Variants in PLEKHG4B observed in about 807,000 individuals in gnomAD.
The protein encoded by PLEKHG4B is pleckstrin homology domain-containing family G member 4B.
PLEKHG4B carries 111 observed loss-of-function variants against 121.3 expected under a neutral mutation model. The observed-to-expected ratio is 0.92, with a 90% confidence interval of 0.78 to 1.07. The LOEUF (loss-of-function observed/expected upper bound fraction) is 1.07, where lower values mean the gene tolerates loss of function less well. Among genes scored for constraint, PLEKHG4B ranks in the 50% least tolerant of loss-of-function variants. The pLI, the probability that PLEKHG4B is intolerant of heterozygous loss-of-function variation, is 0.00. For missense variants in PLEKHG4B, 1,831 were observed against 1,757.8 expected (o/e 1.04, Z -0.74); for synonymous variants, 738 against 725.0 (o/e 1.02, Z -0.29).
chr5:182,459 T>C lies in PLEKHG4B; in HGVS notation c.*136T>C. ...TCCAGAGGGAATAGCACAGCAGGTG[T>C]CCAGGTATTTCCCAGGATTTTAGAC... On this transcript the variant is annotated 3_prime_UTR_variant, in exon 20 of 20. Coordinates refer to ENST00000637938, the MANE Select transcript of PLEKHG4B (RefSeq NM_052909.5). 3.8e-6 allele frequency: 3 copies of C among 783,872 alleles called. No homozygotes were observed. Among genetic ancestry groups the C allele is most frequent in the Non-Finnish European group, 5.9e-6 (3 of 507,936 alleles). 48.6% of individuals were successfully genotyped at this position (783,872 alleles called of 1,614,324 possible). A position where few individuals can be genotyped will look rare whatever the true frequency, so the allele number is the denominator to read the frequency against.
At chr5:180,535 A>G (rs1736899378) in intron 18 of PLEKHG4B, among the ~76,000 whole-genome samples, 1 of 152,192 alleles carries the variant, frequency 6.6e-6, no homozygotes, top group South Asian at 2.1e-4. Context: ...TGTGAACGCC[A>G]CATCTGCCCA....
At position 134,058 on chromosome 5, in the gene PLEKHG4B, AATATATATATATGATAGAATATAT is replaced by A. The variant is rs1351694560; in HGVS notation, c.244-5412_244-5389del. Among the ~76,000 whole-genome samples the A allele has an allele frequency of 4.5e-3, 558 of 124,710 alleles. 3 individuals carry two copies. Among genetic ancestry groups the A allele is most frequent in the Middle Eastern group, 8.0e-3 (2 of 250 alleles). 81.8% of individuals were successfully genotyped at this position (124,710 alleles called of 152,430 possible). A position where few individuals can be genotyped will look rare whatever the true frequency, so the allele number is the denominator to read the frequency against. On this transcript the variant is annotated intron_variant, in intron 2 of 19. Transcript: ENST00000637938. Reference sequence around the variant, plus strand: ...TATAGATAGAATATATATATGATAGAATATATATATATGATAGAATATATATATATATATATATATATATATATA... The same window carrying A: ...TATAGATAGAATATATATATGATAGAATATATATATATATATATATATATA...
In PLEKHG4B at chr5:140,270, C is replaced by T. The variant is rs763965751; in HGVS notation, c.1031C>T (p.Thr344Ile). 1.2e-5 allele frequency: 17 copies of T among 1,460,144 alleles called. No homozygotes were observed. In the South Asian group the frequency reaches 2.2e-4, roughly 19 times the overall value. The allele number at this position is 1,460,144 out of a possible 1,614,324, so 90.4% of individuals were successfully genotyped here. A position where few individuals can be genotyped will look rare whatever the true frequency, so the allele number is the denominator to read the frequency against. The stretch of plus-strand genomic sequence containing the variant: ...AGGAGGCGGCCGCCGGGGGACCCCA[C>T]TTGTGTGCAGCCTAGACGCTGGTTC... ...SSRRRPPGDP[T>I]CVQPRRWFRE... The change falls in exon 3 of 20, where the codon ACT becomes ATT. Residue 344 changes from threonine to isoleucine, a missense_variant. By Grantham distance (89) the Thr-to-Ile change is moderately conservative. Transcript: ENST00000637938.
At chr5:167,457 A>G (rs1736389121) in intron 13 of PLEKHG4B, among the ~76,000 whole-genome samples, 1 of 149,222 alleles carries the variant, frequency 6.7e-6, no homozygotes, top group African/African-American at 2.4e-5. Context: ...AAAATCTGCC[A>G]ACTCCCATTG....
chr5:169,262 T>C (rs1331249370), intron 13 of PLEKHG4B, 78 bp from the exon 14 acceptor site: 4 of 1,565,380 alleles, frequency 2.6e-6, no homozygotes, highest in Non-Finnish European at 3.5e-6. Flanking sequence ...TTCATGTGTT[T>C]CTGTCTCAGG....
chr5:144,936 C>A lies in PLEKHG4B; in HGVS notation c.1905+16C>A. On this transcript the variant is annotated intron_variant, in intron 6 of 19. Transcript: ENST00000637938. Reference sequence around the variant, plus strand: ...AGGATTGCAGGTACGGCAAGGTTGTCATATCCCTTGGGTGTGCAGAGCATC... The same window carrying A: ...AGGATTGCAGGTACGGCAAGGTTGTAATATCCCTTGGGTGTGCAGAGCATC... 6.2e-7 allele frequency: 1 copy of A among 1,610,192 alleles called. No individual in the cohort carries two copies. Among genetic ancestry groups the A allele is most frequent in the South Asian group, 1.1e-5 (1 of 90,940 alleles).
chr5:165,433 C>G (rs1217462007), intron 13 of PLEKHG4B, among the ~76,000 whole-genome samples: 1 of 44,282 alleles, frequency 2.3e-5, no homozygotes, highest in African/African-American at 9.6e-5. Context: ...GGGGCTCACA[C>G]TAATGCTCTG....
chr5:164,771 G>A (rs1283017945), intron 13 of PLEKHG4B, among the ~76,000 whole-genome samples: 32 of 125,434 alleles, frequency 2.6e-4, no homozygotes, highest in African/African-American at 6.5e-4. Context: ...CTGACGGGGC[G>A]GAGCTCACAC....
Position 155,441 on chromosome 5 carries a change from C to G in PLEKHG4B, c.2206C>G (p.Gln736Glu). 1.2e-6 allele frequency: 2 copies of G among 1,612,584 alleles called. No individual in the cohort carries two copies. The highest frequency in any genetic ancestry group is 1.7e-6 in the Non-Finnish European group (2 of 1,178,580). ...LNTHRTPRTA[Q>E]EVAELIDQHE... is the part of the protein sequence containing the mutation. ...CACCCACAGAACCCCAAGAACAGCC[C>G]AGGTGAGTCCTCAGACTTGCAGGTA... The change falls in exon 9 of 20, where the codon CAG becomes GAG. Residue 736 changes from glutamine to glutamate, a missense_variant and splice_region_variant. Coordinates refer to ENST00000637938, the MANE Select transcript of PLEKHG4B (RefSeq NM_052909.5).
chr5:103,605 G>A (rs1733887042), intron 1 of PLEKHG4B, among the ~76,000 whole-genome samples: 2 of 152,142 alleles, frequency 1.3e-5, no homozygotes, highest in African/African-American at 4.8e-5. Context: ...ATGTGTGATA[G>A]TTGTACATAT....
rs1379622819 is a variant in PLEKHG4B at position 140,670 on chromosome 5, C to G, written c.1431C>G (p.Thr477=). 1 of 1,602,804 alleles carries G rather than the reference C, an allele frequency of 6.2e-7. No homozygotes were observed. The highest frequency in any genetic ancestry group is 1.3e-5 in the African/African-American group (1 of 74,378). The change falls in exon 3 of 20, where the codon ACC becomes ACG. Residue 477 remains threonine (T), a synonymous_variant. Transcript: ENST00000637938. ...ACCTAGGAGGACAAGCTGTGGGGAC[C>G]CCAAACTGTGTCCCAGTAGAGGGTC... The part of the protein sequence containing the change: ...GGHLGGQAVG[T]PNCVPVEGPG...
chr5:180,131 G>C (rs1472655635), intron 18 of PLEKHG4B, among the ~76,000 whole-genome samples: 1 of 152,134 alleles, frequency 6.6e-6, no homozygotes, highest in African/African-American at 2.4e-5. Context: ...TTATTAAGTA[G>C]TAGATATGAT....
At position 173,982 on chromosome 5, in the gene PLEKHG4B, G is replaced by C. The variant is rs935388459; in HGVS notation, c.4286G>C (p.Arg1429Pro). Reference protein sequence around the residue: ...DSGLRFEIWFRRRRKSQDTYI... With the variant: ...DSGLRFEIWFPRRRKSQDTYI... ...GGCTTGAGGTTTGAGATTTGGTTTC[G>C]CAGGCGGCGGAAATCTCAGGACACC... The change falls in exon 18 of 20, where the codon CGC becomes CCC. Residue 1429 changes from arginine to proline, a missense_variant. Coordinates refer to ENST00000637938, the MANE Select transcript of PLEKHG4B (RefSeq NM_052909.5). 1.9e-6 allele frequency: 3 copies of C among 1,612,378 alleles called. No individual in the cohort carries two copies. The highest frequency in any genetic ancestry group is 2.5e-6 in the Non-Finnish European group (3 of 1,179,522).
At position 140,259 on chromosome 5, in the gene PLEKHG4B, G is replaced by A. The variant is rs752543885; in HGVS notation, c.1020G>A (p.Pro340=). 13 of 1,453,372 alleles carry A rather than the reference G, an allele frequency of 8.9e-6. No individual in the cohort carries two copies. The highest frequency in any genetic ancestry group is 4.4e-5 in the South Asian group (3 of 68,332). 90.0% of individuals were successfully genotyped at this position (1,453,372 alleles called of 1,614,324 possible). A position where few individuals can be genotyped will look rare whatever the true frequency, so the allele number is the denominator to read the frequency against. Residue 340 remains proline, a synonymous_variant, in exon 3 of 20, where the codon CCG becomes CCA. Coordinates refer to ENST00000637938, the MANE Select transcript of PLEKHG4B (RefSeq NM_052909.5). The part of the protein sequence containing the change: ...LGIPSSRRRP[P]GDPTCVQPRR... The stretch of plus-strand genomic sequence containing the variant: ...TCCCGAGCAGCAGGAGGCGGCCGCC[G>A]GGGGACCCCACTTGTGTGCAGCCTA...
At chr5:147,307 G>A (rs997210628) in intron 6 of PLEKHG4B, among the ~76,000 whole-genome samples, 1 of 152,242 alleles carries the variant, frequency 6.6e-6, no homozygotes, top group Non-Finnish European at 1.5e-5. Flanking sequence ...GATTCTCAAG[G>A]CCTCCAAGAA....
chr5:176,816 A>C (rs1349337483), intron 18 of PLEKHG4B, among the ~76,000 whole-genome samples: 3 of 152,220 alleles, frequency 2.0e-5, no homozygotes, highest in African/African-American at 4.8e-5. Flanking sequence ...AGCCTTCCTC[A>C]AACAGGGTCA....
chr5:131,158 CGTGCAGGTTTGTTGCATAGGTATACAT>C (rs1330984836), intron 2 of PLEKHG4B, among the ~76,000 whole-genome samples: 5 of 150,312 alleles, frequency 3.3e-5, no homozygotes, highest in Non-Finnish European at 5.9e-5. Flanking sequence ...ATGTGCACAA[CGTGCAGGTTTGTTGCATAGGTATACAT>C]GTGCCATGTT....
chr5:181,529 A>T lies in PLEKHG4B; in HGVS notation c.4418A>T (p.Glu1473Val). Residue 1473 changes from glutamate (E) to valine (V), a missense_variant, in exon 19 of 20, where the codon GAA becomes GTA. Glu to Val is a moderately radical substitution (Grantham distance 121). Transcript: ENST00000637938. ...ALKSRELRIQ[E>V]MASMGIGNQP... ...TCTGTCTTAGAACTCAGAATCCAAGAAATGGCATCCATGGGTATAGGCAAC... is the reference window on the plus strand; with the variant it reads ...TCTGTCTTAGAACTCAGAATCCAAGTAATGGCATCCATGGGTATAGGCAAC... 1 of 1,613,838 alleles carries T rather than the reference A, an allele frequency of 6.2e-7. No homozygotes were observed. Among genetic ancestry groups the T allele is most frequent in the Non-Finnish European group, 8.5e-7 (1 of 1,179,884 alleles).
Position 171,201 on chromosome 5 carries a change from C to T in PLEKHG4B, c.3820-13C>T. On this transcript the variant is annotated splice_polypyrimidine_tract_variant and intron_variant, in intron 15 of 19. Transcript: ENST00000637938. ...GCCAGGCCGGAGCTGACCCTCTCAC[C>T]CGGCCCTTGCAGGACAAGCAGCGGG... The T allele has an allele frequency of 1.9e-6, 3 of 1,603,240 alleles. No homozygotes were observed. The highest frequency in any genetic ancestry group is 2.6e-6 in the Non-Finnish European group (3 of 1,172,692).
Sources: allele counts gnomAD v4.1 joint callset (sites outside exome capture counted in the v4.1 genomes callset), GRCh38; gene constraint gnomAD v4.1.1; transcripts MANE v1.5; gene names NCBI Gene and HGNC (gene_info 2026-07-23, HGNC 2026-07-21).